Variants in DLGAP1 observed in about 807,000 individuals in gnomAD.
DLGAP1 encodes DLG associated protein 1, also known as disks large-associated protein 1.
A neutral mutation model predicts 90.8 loss-of-function variants in DLGAP1; 11 were observed. The observed-to-expected ratio is 0.12, with a 90% CI of 0.08 to 0.20. The LOEUF (loss-of-function observed/expected upper bound fraction) is 0.20. Among genes scored for constraint, DLGAP1 ranks in the 10% least tolerant of loss-of-function variants. The pLI is 1.00. For missense variants in DLGAP1, 1,050 were observed against 1,333.8 expected (o/e 0.79, Z 3.31); for synonymous variants, 558 against 540.7 (o/e 1.03, Z -0.44).
intron 2 of DLGAP1, among the ~76,000 whole-genome samples, chr18:4,137,175 T>A (rs1224788069): frequency 1.3e-5 from 2 of 152,162 alleles, no homozygotes; most frequent in Admixed American, 1.3e-4. Flanking sequence ...CTTGCGATAG[T>A]TTGCTGAGAA....
chr18:3,728,515 A>G (rs1294634016), intron 7 of DLGAP1, among the ~76,000 whole-genome samples: 1 of 152,050 alleles, frequency 6.6e-6, no homozygotes, highest in Non-Finnish European at 1.5e-5. Context: ...CCACACACAC[A>G]CTTAAATACA....
At chr18:3,963,032 C>T (rs773311407) in intron 3 of DLGAP1, among the ~76,000 whole-genome samples, 2 of 152,138 alleles carry the variant, frequency 1.3e-5, no homozygotes, top group Non-Finnish European at 2.9e-5. Flanking sequence ...TTTCCTCAAT[C>T]CAAATGAGAA....
chr18:4,392,174 T>C (rs1292972359), intron 1 of DLGAP1, among the ~76,000 whole-genome samples: 1 of 152,106 alleles, frequency 6.6e-6, no homozygotes, highest in Non-Finnish European at 1.5e-5. Context: ...GCAACCCAGA[T>C]GGGTAGCCCA....
chr18:4,197,289 G>A (rs1014637332), intron 1 of DLGAP1, among the ~76,000 whole-genome samples: 1 of 150,916 alleles, frequency 6.6e-6, no homozygotes, highest in Non-Finnish European at 1.5e-5. Context: ...AAAAAGTACA[G>A]AGATAGGAAA....
chr18:4,079,073 G>C (rs1353303625), intron 2 of DLGAP1, among the ~76,000 whole-genome samples: 9 of 152,158 alleles, frequency 5.9e-5, no homozygotes, highest in African/African-American at 2.2e-4. Context: ...GCCCACGCTG[G>C]TGGTGGGTGA....
chr18:3,523,715 CGT>C (rs2051399737), intron 10 of DLGAP1, among the ~76,000 whole-genome samples: 1 of 151,888 alleles, frequency 6.6e-6, no homozygotes, highest in Non-Finnish European at 1.5e-5. Flanking sequence ...GGCGTGGTGG[CGT>C]GCGCCCGTAG....
intron 4 of DLGAP1, among the ~76,000 whole-genome samples, chr18:3,839,669 C>T (rs754368746): frequency 2.0e-5 from 3 of 152,194 alleles, no homozygotes; most frequent in Non-Finnish European, 1.5e-5. Flanking sequence ...TCAGCTTGTG[C>T]TAATAGTCTG....
intron 7 of DLGAP1, among the ~76,000 whole-genome samples, chr18:3,705,376 C>T (rs1229245947): frequency 6.6e-6 from 1 of 150,428 alleles, no homozygotes; most frequent in Non-Finnish European, 1.5e-5. Flanking sequence ...ACCTCCTTGT[C>T]AACAGCATTG....
intron 1 of DLGAP1, among the ~76,000 whole-genome samples, chr18:4,170,632 A>G (rs913127306): frequency 8.5e-5 from 13 of 152,188 alleles, no homozygotes; most frequent in African/African-American, 2.9e-4. Flanking sequence ...GGGACACTAC[A>G]TAAGAGTTAC....
At chr18:3,787,933 C>T (rs1231739447) in intron 5 of DLGAP1, among the ~76,000 whole-genome samples, 1 of 152,186 alleles carries the variant, frequency 6.6e-6, no homozygotes, top group African/African-American at 2.4e-5. Context: ...TGGTTCTTTC[C>T]CAAGTCTTTA....
At chr18:3,659,668 C>A (rs1030076937) in intron 7 of DLGAP1, among the ~76,000 whole-genome samples, 55 of 151,974 alleles carry the variant, frequency 3.6e-4, no homozygotes, top group African/African-American at 1.3e-3. Context: ...CAGCTTCAAG[C>A]GATTCTCCTA....
chr18:3,984,824 C>T (rs1028502489), intron 3 of DLGAP1, among the ~76,000 whole-genome samples: 5 of 151,948 alleles, frequency 3.3e-5, no homozygotes, highest in African/African-American at 9.7e-5. Context: ...GTGTTTGGGT[C>T]TTTATTTTGC....
At chr18:3,768,506 AAGG>A (rs895545507) in intron 5 of DLGAP1, among the ~76,000 whole-genome samples, 1 of 152,182 alleles carries the variant, frequency 6.6e-6, no homozygotes, top group Admixed American at 6.5e-5. Context: ...AATTTTGAAA[AAGG>A]AGAAGGAAGG....
chr18:3,508,979 T>C (rs942265312), intron 10 of DLGAP1, among the ~76,000 whole-genome samples: 3 of 147,202 alleles, frequency 2.0e-5, no homozygotes, highest in Admixed American at 2.0e-4. Flanking sequence ...CAAACAGTTG[T>C]TGCTTTTTTT....
intron 7 of DLGAP1, among the ~76,000 whole-genome samples, chr18:3,677,553 G>C (rs536930177): frequency 6.6e-6 from 1 of 152,206 alleles, no homozygotes; most frequent in Non-Finnish European, 1.5e-5. Flanking sequence ...ATTTAATCCA[G>C]AATTCTCAGC....
intron 7 of DLGAP1, among the ~76,000 whole-genome samples, chr18:3,651,652 G>A (rs543377735): frequency 1.3e-5 from 2 of 151,906 alleles, no homozygotes; most frequent in Admixed American, 6.6e-5. Context: ...AATTAAGCCG[G>A]GTGCAGTGGT....
chr18:3,708,537 C>T (rs920651076), intron 7 of DLGAP1: 5 of 456,468 alleles, frequency 1.1e-5, no homozygotes, highest in African/African-American at 4.0e-5. Flanking sequence ...ATTTCTGCTC[C>T]GTTTCCTGCC....
intron 3 of DLGAP1, among the ~76,000 whole-genome samples, chr18:3,988,382 G>A (rs138109312): frequency 8.5e-5 from 13 of 152,210 alleles, no homozygotes; most frequent in Admixed American, 3.3e-4. Flanking sequence ...TTTGATGTGC[G>A]TCTGTAAGCG....
At chr18:4,298,114 G>A (rs1314047120) in intron 1 of DLGAP1, among the ~76,000 whole-genome samples, 1 of 152,080 alleles carries the variant, frequency 6.6e-6, no homozygotes, top group African/African-American at 2.4e-5. Flanking sequence ...GCGGGCGATT[G>A]GCTCCATGAC....
Sources: gnomAD v4.1 joint callset for allele counts (sites outside exome capture counted in the v4.1 genomes callset) on GRCh38, gnomAD v4.1.1 for gene constraint, MANE v1.5 for transcripts, NCBI Gene and HGNC (gene_info 2026-07-23, HGNC 2026-07-21) for gene names.